The following BCL2L12 variants were observed in gnomAD, a reference collection of about 807,000 sequenced individuals.
BCL2L12 encodes the protein BCL2 like 12.
A neutral mutation model predicts 25.7 loss-of-function variants in BCL2L12; 27 were observed. The observed-to-expected ratio is 1.05, with a 90% CI of 0.78 to 1.45. The LOEUF is 1.45. Among genes scored for constraint, BCL2L12 ranks in the 40% most tolerant of loss-of-function variants. The pLI is 0.00. For synonymous variants in BCL2L12, 132 were observed against 145.6 expected (o/e 0.91, Z 0.67); for missense variants, 302 against 329.8 (o/e 0.92, Z 0.65).
Position 49,673,880 on chromosome 19 carries a change from T to A in BCL2L12, c.*132T>A. ...CTACCTGTTTTTGCCAAAAATAAAT[T>A]GTTTAAAACTTTTCTTATTAAAAAC... On this transcript the variant is annotated 3_prime_UTR_variant, in exon 7 of 7. Transcript: ENST00000246784. 1 of 970,300 alleles carries A rather than the reference T, an allele frequency of 1.0e-6. No homozygotes were observed. Among genetic ancestry groups the A allele is most frequent in the Non-Finnish European group, 1.5e-6 (1 of 653,866 alleles). 60.1% of individuals were successfully genotyped at this position (970,300 alleles called of 1,614,324 possible).
At chr19:49,666,942 G>C (rs893324835) in intron 2 of BCL2L12, 77 bp from the exon 3 acceptor site, 2 of 1,560,108 alleles carry the variant, frequency 1.3e-6, no homozygotes, top group Admixed American at 1.9e-5. Context: ...CCTCAGCGGG[G>C]GAGGGAGGGA....
intron 3 of BCL2L12, among the ~76,000 whole-genome samples, chr19:49,668,403 C>T (rs1468655438): frequency 6.6e-6 from 1 of 152,076 alleles, no homozygotes; most frequent in African/African-American, 2.4e-5. Context: ...CTGGCCCCAG[C>T]TCTGACATTC....
intron 5 of BCL2L12, 95 bp from the exon 6 acceptor site, chr19:49,670,121 G>T: frequency 6.8e-7 from 1 of 1,475,000 alleles, no homozygotes; most frequent in Non-Finnish European, 9.0e-7. Context: ...TTAGCATCTA[G>T]AACGATCCTG....
chr19:49,666,290 T>C (rs1307330991), intron 1 of BCL2L12, among the ~76,000 whole-genome samples: 1 of 152,212 alleles, frequency 6.6e-6, no homozygotes, highest in Non-Finnish European at 1.5e-5. Flanking sequence ...GATTGGTAGT[T>C]CCCGATGCTT....
At chr19:49,667,731 A>ATAC (rs1368222710) in intron 3 of BCL2L12, among the ~76,000 whole-genome samples, 4 of 152,158 alleles carry the variant, frequency 2.6e-5, no homozygotes, top group African/African-American at 9.7e-5. Flanking sequence ...ACTAACAGTA[A>ATAC]TGTCTTGTGT....
Position 49,670,185 on chromosome 19 carries a change from T to C in BCL2L12, c.430-31T>C, listed in dbSNP as rs375021912. ...TATTGGCTGGCCCCGGGGGCGCTGC[T>C]GACGCGGACCCTGCCTCTTCCACCC... On this transcript the variant is annotated intron_variant, in intron 5 of 6. Coordinates refer to ENST00000246784, the MANE Select transcript of BCL2L12 (RefSeq NM_138639.2). 2.5e-4 allele frequency: 402 copies of C among 1,589,822 alleles called. No homozygotes were observed. The African/African-American group carries it at 4.7e-3, about 19-fold the overall frequency.
intron 5 of BCL2L12, among the ~76,000 whole-genome samples, chr19:49,669,832 T>C (rs1376108408): frequency 1.3e-5 from 2 of 152,046 alleles, no homozygotes; most frequent in Non-Finnish European, 2.9e-5. Context: ...TGGAATCTGA[T>C]TGGCTTCGGA....
Position 49,668,950 on chromosome 19 carries a change from G to A in BCL2L12, c.337+13G>A, listed in dbSNP as rs747075849. 9 of 1,613,896 alleles carry A rather than the reference G, an allele frequency of 5.6e-6. No individual in the cohort carries two copies. Among genetic ancestry groups the A allele is most frequent in the Non-Finnish European group, 7.6e-6 (9 of 1,179,934 alleles). On this transcript the variant is annotated intron_variant, in intron 4 of 6. Transcript: ENST00000246784. Reference sequence around the variant, plus strand: ...CCGCCCAGCCCAGGTGAGGCACAGAGGAGCCCCAGAGAAGGATGGCGGTGG... The same window carrying A: ...CCGCCCAGCCCAGGTGAGGCACAGAAGAGCCCCAGAGAAGGATGGCGGTGG...
intron 5 of BCL2L12, 136 bp from the exon 6 acceptor site, chr19:49,670,080 G>T: frequency 8.2e-7 from 1 of 1,214,634 alleles, no homozygotes; most frequent in Non-Finnish European, 1.1e-6. Flanking sequence ...TGGCTTGATT[G>T]GCTAATATGG....
rs774172855 is a variant in BCL2L12 at position 49,670,414 on chromosome 19, G to C, written c.628G>C (p.Gly210Arg). Residue 210 changes from glycine to arginine, a missense_variant, in exon 6 of 7, where the codon GGG (glycine) becomes CGG (arginine). Physicochemically the swap from Gly to Arg is moderately radical, Grantham distance 125. Coordinates refer to ENST00000246784, the MANE Select transcript of BCL2L12 (RefSeq NM_138639.2). ...MELSRRVAGL[G>R]GTLAGLSVEH... Reference sequence around the variant, plus strand: ...GCTGAGCCGGCGCGTGGCCGGGCTGGGGGGCACCCTGGCCGGACTCAGCGT... The same window carrying C: ...GCTGAGCCGGCGCGTGGCCGGGCTGCGGGGCACCCTGGCCGGACTCAGCGT... 6 of 1,544,334 alleles carry C rather than the reference G, an allele frequency of 3.9e-6. No individual in the cohort carries two copies. In the South Asian group the frequency reaches 7.2e-5, roughly 18 times the overall value.
intron 6 of BCL2L12, among the ~76,000 whole-genome samples, chr19:49,670,861 T>C (rs1425546065): frequency 1.3e-5 from 2 of 151,772 alleles, no homozygotes; most frequent in African/African-American, 4.8e-5. Flanking sequence ...CTACAAAAAT[T>C]GAAAATAACT....
intron 5 of BCL2L12, among the ~76,000 whole-genome samples, chr19:49,669,330 G>A (rs2081900624): frequency 6.6e-6 from 1 of 152,110 alleles, no homozygotes. Context: ...GAGGTCAGGA[G>A]TTCGAGACCA....
upstream of BCL2L12, chr19:49,665,378 AC>A (rs1404480860): frequency 9.8e-5 from 17 of 173,686 alleles, no homozygotes; most frequent in South Asian, 1.6e-3. Flanking sequence ...AGACTGAACT[AC>A]CCCCATCTAC....
In BCL2L12 at chr19:49,666,902, TTC is replaced by T. The variant is rs2081798622; in HGVS notation, c.107+107_107+108del. On this transcript the variant is annotated intron_variant, in intron 2 of 6. Coordinates refer to ENST00000246784, the MANE Select transcript of BCL2L12 (RefSeq NM_138639.2). ...TCTCCTCTCTTTATATCTGGCTCTA[TTC>T]TCTGTCTTTGGGGTTTTGGAGAGAG... 35 of 1,520,416 alleles carry T rather than the reference TTC, an allele frequency of 2.3e-5. No individual in the cohort carries two copies. In the South Asian group the frequency reaches 4.1e-4, roughly 18 times the overall value. The allele number at this position is 1,520,416 out of a possible 1,614,324, so 94.2% of individuals were successfully genotyped here. A position where few individuals can be genotyped will look rare whatever the true frequency, so the allele number is the denominator to read the frequency against.
At chr19:49,666,605 G>T in intron 1 of BCL2L12, 80 bp from the exon 2 acceptor site, 1 of 1,091,748 alleles carries the variant, frequency 9.2e-7, no homozygotes, top group Non-Finnish European at 1.3e-6. Context: ...CACCTTCCTT[G>T]GGACTCACAA....
At chr19:49,670,180 G>A (rs768149843) in intron 5 of BCL2L12, 36 bp from the exon 6 acceptor site, 2 of 1,585,492 alleles carry the variant, frequency 1.3e-6, no homozygotes, top group Non-Finnish European at 1.7e-6. Flanking sequence ...CCCCGGGGGC[G>A]CTGCTGACGC....
chr19:49,666,595 C>T, intron 1 of BCL2L12, 90 bp from the exon 2 acceptor site: 1 of 983,098 alleles, frequency 1.0e-6, no homozygotes, highest in African/African-American at 1.6e-5. Flanking sequence ...AGGCCCTCAG[C>T]ACCTTCCTTG....
intron 6 of BCL2L12, among the ~76,000 whole-genome samples, chr19:49,673,462 C>T (rs2082001022): frequency 6.6e-6 from 1 of 152,064 alleles, no homozygotes; most frequent in Non-Finnish European, 1.5e-5. Flanking sequence ...CTGTCTAATC[C>T]CACTCCAGTG....
intron 3 of BCL2L12, among the ~76,000 whole-genome samples, chr19:49,667,915 G>A (rs2081856182): frequency 1.3e-5 from 2 of 151,980 alleles, no homozygotes; most frequent in Admixed American, 6.6e-5. Context: ...CGAGTGACTG[G>A]GATTACAGGT....
Sources: gnomAD v4.1 joint callset for allele counts (sites outside exome capture counted in the v4.1 genomes callset) on GRCh38, gnomAD v4.1.1 for gene constraint, MANE v1.5 for transcripts, NCBI Gene and HGNC (gene_info 2026-07-23, HGNC 2026-07-21) for gene names.